The following TENM2 variants were observed in gnomAD, a reference collection of about 807,000 sequenced individuals.
TENM2 encodes teneurin-2.
TENM2 carries 52 observed loss-of-function variants against 245.2 expected under a neutral mutation model. The ratio of observed to expected loss-of-function variants is 0.21; its 90% CI spans 0.17 to 0.27. The LOEUF is 0.27. TENM2 is among the 10% of genes least tolerant of loss of function. TENM2 has a pLI of 1.00. For missense variants in TENM2, 3,046 were observed against 3,666.8 expected (o/e 0.83, Z 4.37); for synonymous variants, 1,363 against 1,438.9 (o/e 0.95, Z 1.19).
chr5:168,235,955 A>T (rs901656861), intron 25 of TENM2, among the ~76,000 whole-genome samples: 20 of 152,198 alleles, frequency 1.3e-4, no homozygotes, highest in Admixed American at 1.3e-3. Context: ...TTTCCCAGGC[A>T]TGGAGTTGGG....
At chr5:167,022,507 A>G in the TENM2 span, among the ~76,000 whole-genome samples, 1 of 152,208 alleles carries the variant, frequency 6.6e-6, no homozygotes, top group Non-Finnish European at 1.5e-5. Flanking sequence ...TTTACCTGAA[A>G]TTCAAATTTA....
At chr5:167,966,584 T>C (rs1385649749) in intron 4 of TENM2, among the ~76,000 whole-genome samples, 1 of 152,198 alleles carries the variant, frequency 6.6e-6, no homozygotes, top group Non-Finnish European at 1.5e-5. Flanking sequence ...GAAATCGAGA[T>C]TCAAGACCTT....
chr5:167,650,357 A>G (rs1479821624), intron 2 of TENM2, among the ~76,000 whole-genome samples: 1 of 152,204 alleles, frequency 6.6e-6, no homozygotes, highest in Admixed American at 6.5e-5. Context: ...CCTAAAGGCT[A>G]AAGGAGAGGT....
chr5:167,241,264 T>C, the TENM2 span, among the ~76,000 whole-genome samples: 1 of 152,046 alleles, frequency 6.6e-6, no homozygotes, highest in African/African-American at 2.4e-5. Context: ...GGGTTAGAAG[T>C]AAAACAATGG....
chr5:167,973,592 G>T (rs1781962918), intron 4 of TENM2, among the ~76,000 whole-genome samples: 1 of 152,190 alleles, frequency 6.6e-6, no homozygotes, highest in African/African-American at 2.4e-5. Context: ...AGCGTGGAGT[G>T]CATCCAACCT....
intron 13 of TENM2, among the ~76,000 whole-genome samples, chr5:168,178,994 G>A (rs1250827395): frequency 6.6e-6 from 1 of 152,108 alleles, no homozygotes; most frequent in Admixed American, 6.5e-5. Context: ...AGTTAGCCAG[G>A]CATGGTGAAG....
Position 167,545,226 on chromosome 5 carries a change from T to A in TENM2, c.502+169753T>A, listed in dbSNP as rs1340637989. Among the ~76,000 whole-genome samples the A allele has an allele frequency of 2.0e-5, 3 of 152,168 alleles. No homozygotes were observed. The East Asian group carries it at 5.8e-4, about 29-fold the overall frequency. On this transcript the variant is annotated intron_variant, in intron 2 of 28. Coordinates refer to ENST00000518659, the Ensembl canonical transcript of TENM2. ...ATAATACTGCCTTGTTCTTAGGTTG[T>A]CCTAAAGCTTACACGAGGTGACATA...
chr5:167,431,970 T>TGTGTATATATATATATATACAC (rs1554150945), intron 2 of TENM2, among the ~76,000 whole-genome samples: 9 of 135,536 alleles, frequency 6.6e-5, no homozygotes, highest in South Asian at 2.2e-4. Context: ...TGTATATATA[T>TGTGTATATATATATATATACAC]ATATATATGG....
intron 12 of TENM2, among the ~76,000 whole-genome samples, chr5:168,161,804 G>A (rs969099311): frequency 3.1e-5 from 4 of 130,076 alleles, no homozygotes; most frequent in African/African-American, 6.6e-5. Context: ...GCACAGACAC[G>A]TGAGCGCATG....
chr5:168,149,781 G>A (rs536031415), intron 12 of TENM2, among the ~76,000 whole-genome samples: 6 of 152,276 alleles, frequency 3.9e-5, no homozygotes, highest in South Asian at 4.1e-4. Flanking sequence ...AGCAATATCC[G>A]TACAGTGGAC....
chr5:167,819,358 C>A (rs1217264501), intron 2 of TENM2, among the ~76,000 whole-genome samples: 1 of 152,158 alleles, frequency 6.6e-6, no homozygotes, highest in Non-Finnish European at 1.5e-5. Context: ...AGGAAACTGG[C>A]AAAACACAGG....
At chr5:167,040,147 C>A in the TENM2 span, among the ~76,000 whole-genome samples, 2 of 152,018 alleles carry the variant, frequency 1.3e-5, no homozygotes, top group Non-Finnish European at 2.9e-5. Context: ...TCTTGTACTT[C>A]TATCTAGCTA....
At chr5:167,496,012 A>C (rs903232216) in intron 2 of TENM2, among the ~76,000 whole-genome samples, 2 of 152,028 alleles carry the variant, frequency 1.3e-5, no homozygotes, top group East Asian at 3.9e-4. Context: ...GAATGAAGAA[A>C]ATTCCTAGTG....
chr5:167,770,979 T>C (rs1467193764), intron 2 of TENM2, among the ~76,000 whole-genome samples: 1 of 152,028 alleles, frequency 6.6e-6, no homozygotes, highest in Non-Finnish European at 1.5e-5. Context: ...AAAAATTGTG[T>C]ATCAGAAAAT....
At chr5:167,847,545 C>T (rs1399974091) in intron 2 of TENM2, among the ~76,000 whole-genome samples, 2 of 152,202 alleles carry the variant, frequency 1.3e-5, no homozygotes, top group Non-Finnish European at 2.9e-5. Context: ...TTCCCCTGTA[C>T]ACACAAGACC....
At chr5:167,539,047 C>A (rs1227919060) in intron 2 of TENM2, among the ~76,000 whole-genome samples, 1 of 152,052 alleles carries the variant, frequency 6.6e-6, no homozygotes, top group Admixed American at 6.6e-5. Context: ...TCAACTTGTG[C>A]TTAGCTATCA....
At chr5:167,744,622 A>G (rs1761427789) in intron 2 of TENM2, among the ~76,000 whole-genome samples, 1 of 152,120 alleles carries the variant, frequency 6.6e-6, no homozygotes, top group Non-Finnish European at 1.5e-5. Context: ...GTGCATTGTG[A>G]CATTTTATAT....
chr5:168,139,376 C>A, intron 12 of TENM2: 1 of 427,716 alleles, frequency 2.3e-6, no homozygotes, highest in South Asian at 1.7e-5. Context: ...CTTCTCTTAG[C>A]TATATCTATT....
intron 13 of TENM2, among the ~76,000 whole-genome samples, chr5:168,171,983 G>A (rs1049527078): frequency 3.9e-5 from 6 of 152,176 alleles, no homozygotes; most frequent in South Asian, 2.1e-4. Flanking sequence ...CAAGGTCCTC[G>A]TGCCATCACT....
Sources: gnomAD v4.1 joint callset for allele counts (sites outside exome capture counted in the v4.1 genomes callset) on GRCh38, gnomAD v4.1.1 for gene constraint, MANE v1.5 for transcripts, NCBI Gene and HGNC (gene_info 2026-07-23, HGNC 2026-07-21) for gene names.